SULF2: variants seen among roughly 807,000 people sequenced by gnomAD.
SULF2 encodes extracellular sulfatase Sulf-2.
In SULF2, 52 loss-of-function variants were observed where a neutral mutation model predicts 107.7. The observed-to-expected ratio is 0.48, with a 90% CI of 0.39 to 0.61. The LOEUF (loss-of-function observed/expected upper bound fraction) is 0.61. Among genes scored for constraint, SULF2 ranks in the 20% least tolerant of loss-of-function variants. The pLI is 0.00. For missense variants in SULF2, 993 were observed against 1,177.3 expected (o/e 0.84, Z 2.29); for synonymous variants, 460 against 464.3 (o/e 0.99, Z 0.12).
At chr20:47,731,157 G>A (rs1600596082) in intron 3 of SULF2, among the ~76,000 whole-genome samples, 1 of 146,216 alleles carries the variant, frequency 6.8e-6, no homozygotes, top group East Asian at 2.0e-4. Flanking sequence ...CACAAGATCC[G>A]ACTCTGCCTG....
intron 10 of SULF2, among the ~76,000 whole-genome samples, chr20:47,674,151 G>T (rs1336941494): frequency 2.0e-5 from 3 of 152,252 alleles, no homozygotes; most frequent in African/African-American, 7.2e-5. Flanking sequence ...GGCCTGCAAA[G>T]CCCAAACTAT....
intron 7 of SULF2, 139 bp downstream of exon 7, chr20:47,682,855 T>G: frequency 2.5e-6 from 2 of 808,388 alleles, no homozygotes; most frequent in Non-Finnish European, 1.9e-6. Flanking sequence ...ATGCATGACA[T>G]AATTGCTTTC....
intron 3 of SULF2, among the ~76,000 whole-genome samples, chr20:47,705,247 T>A (rs2088693182): frequency 6.6e-6 from 1 of 152,114 alleles, no homozygotes; most frequent in Admixed American, 6.5e-5. Flanking sequence ...CCCAGCAGCC[T>A]CAGGGGTAAG....
At chr20:47,766,885 T>C (rs191091675) in intron 1 of SULF2, among the ~76,000 whole-genome samples, 1 of 151,532 alleles carries the variant, frequency 6.6e-6, no homozygotes, top group East Asian at 1.9e-4. Context: ...TGACAGGCCA[T>C]ATAATTCACA....
At position 47,680,454 on chromosome 20, in the gene SULF2, G is replaced by A. The variant is rs143642140; in HGVS notation, c.1065-1650C>T. On this transcript the variant is annotated intron_variant, in intron 7 of 20. Transcript: ENST00000688720. This position sits in a 1 kb window ranked among gnomAD's most constrained non-coding sequence, Gnocchi z 4.2. ...ATGTAGGGTAAGGGACTTAAGGGGT[G>A]TGCCCAGCACAGGACCCAGGACCTG... Among the ~76,000 whole-genome samples the A allele has an allele frequency of 3.3e-4, 51 of 152,370 alleles. 1 individual carries two copies. Among genetic ancestry groups the A allele is most frequent in the African/African-American group, 1.2e-3 (49 of 41,588 alleles).
chr20:47,746,261 C>A (rs1206270172), intron 2 of SULF2, among the ~76,000 whole-genome samples: 1 of 152,236 alleles, frequency 6.6e-6, no homozygotes, highest in African/African-American at 2.4e-5. Flanking sequence ...CTGCAGAGAA[C>A]AGGCATTCAG....
At chr20:47,760,825 A>C (rs529274568) in intron 1 of SULF2, among the ~76,000 whole-genome samples, 3 of 152,172 alleles carry the variant, frequency 2.0e-5, no homozygotes, top group African/African-American at 7.2e-5. Flanking sequence ...GAGGGTGAAC[A>C]ACACCTTCCT....
rs1484453624 is a variant in SULF2, at chr20:47,658,338, T to C, written c.*24A>G. ...GCAGTCAGGTGATGCCTCTATGTTT[T>C]TGGAGGTCCACCTCTGTTGTTTCTT... On this transcript the variant is annotated 3_prime_UTR_variant, in exon 21 of 21. Coordinates refer to ENST00000688720, the MANE Select transcript of SULF2 (RefSeq NM_001387048.1). 7 of 1,613,874 alleles carry C rather than the reference T, an allele frequency of 4.3e-6. No individual in the cohort carries two copies. The highest frequency in any genetic ancestry group is 5.9e-6 in the Non-Finnish European group (7 of 1,179,842).
intron 1 of SULF2, among the ~76,000 whole-genome samples, chr20:47,762,619 C>A (rs2090440712): frequency 6.6e-6 from 1 of 152,224 alleles, no homozygotes; most frequent in African/African-American, 2.4e-5. Context: ...CTAAGAGTCT[C>A]CCAGCCTCAG....
intron 1 of SULF2, among the ~76,000 whole-genome samples, chr20:47,775,150 G>A (rs898418512): frequency 4.5e-4 from 68 of 152,186 alleles, no homozygotes; most frequent in African/African-American, 1.6e-3. Context: ...TCATGAAACC[G>A]GGCTGGCTTT....
chr20:47,763,698 T>C (rs938285893), intron 1 of SULF2, among the ~76,000 whole-genome samples: 1 of 152,216 alleles, frequency 6.6e-6, no homozygotes, highest in Non-Finnish European at 1.5e-5. Flanking sequence ...CTCTTCCTTC[T>C]TTCACTTTAC....
chr20:47,683,569 G>C (rs1262056984), intron 6 of SULF2, among the ~76,000 whole-genome samples: 1 of 152,370 alleles, frequency 6.6e-6, no homozygotes, highest in Middle Eastern at 3.4e-3. Flanking sequence ...GCCTATGGCA[G>C]GATCTTGCGA....
Position 47,665,119 on chromosome 20 carries a change from G to A in SULF2, c.1997+80C>T, listed in dbSNP as rs1314736180. The A allele has an allele frequency of 2.3e-5, 20 of 883,810 alleles. No individual in the cohort carries two copies. The Middle Eastern group carries it at 8.8e-4, about 39-fold the overall frequency. 54.7% of individuals were successfully genotyped at this position (883,810 alleles called of 1,614,324 possible). A position where few individuals can be genotyped will look rare whatever the true frequency, so the allele number is the denominator to read the frequency against. ...AAAGATAAAAATAAAAAATGAAAGG[G>A]GTCAATCACGAGAGGGGATGAACTG... On this transcript the variant is annotated intron_variant, in intron 14 of 20. Transcript: ENST00000688720.
At chr20:47,746,242 C>T (rs776792807) in intron 2 of SULF2, among the ~76,000 whole-genome samples, 6 of 152,320 alleles carry the variant, frequency 3.9e-5, no homozygotes, top group South Asian at 2.1e-4. Flanking sequence ...TCTACTGGGG[C>T]CCAGAGACCT....
chr20:47,660,712 C>G (rs562818779), intron 18 of SULF2, among the ~76,000 whole-genome samples: 1 of 152,174 alleles, frequency 6.6e-6, no homozygotes, highest in South Asian at 2.1e-4. Context: ...GGGCTCAAGT[C>G]TCCTCCCACC....
chr20:47,675,693 G>A (rs2087616827), intron 10 of SULF2, among the ~76,000 whole-genome samples: 1 of 151,940 alleles, frequency 6.6e-6, no homozygotes, highest in African/African-American at 2.4e-5. Flanking sequence ...CACACCTCCG[G>A]CACCCCTTGG....
At position 47,678,959 on chromosome 20, in the gene SULF2, C is replaced by G. The variant is rs897217758; in HGVS notation, c.1065-155G>C. On this transcript the variant is annotated intron_variant, in intron 7 of 20. Coordinates refer to ENST00000688720, the MANE Select transcript of SULF2 (RefSeq NM_001387048.1). The surrounding 1 kb of genome is among the most constrained non-coding windows in gnomAD (Gnocchi z 4.5). ...TCTGGCACCTCAACCTCAGCAGCTC[C>G]CCTCTGCGGCCCAGATTCAGCTGAA... is the stretch of plus-strand genomic sequence containing the variant. 6.6e-6 allele frequency among the ~76,000 whole-genome samples: 1 copy of G among 151,954 alleles called. No homozygotes were observed. Among genetic ancestry groups the G allele is most frequent in the Non-Finnish European group, 1.5e-5 (1 of 67,980 alleles).
intron 10 of SULF2, 88 bp from the exon 11 acceptor site, chr20:47,672,481 A>G: frequency 6.9e-7 from 1 of 1,453,454 alleles, no homozygotes; most frequent in Non-Finnish European, 9.1e-7. Flanking sequence ...CCCTGGAGAC[A>G]TCCCTCTCCC....
intron 3 of SULF2, among the ~76,000 whole-genome samples, chr20:47,721,964 C>T (rs2089308309): frequency 3.3e-5 from 5 of 151,968 alleles, no homozygotes; most frequent in Admixed American, 3.3e-4. Context: ...TTGCTGGAGC[C>T]CTTGGAAAGA....
Sources: allele counts gnomAD v4.1 joint callset (sites outside exome capture counted in the v4.1 genomes callset), GRCh38; gene constraint gnomAD v4.1.1; non-coding constraint Gnocchi (gnomAD v3.1); transcripts MANE v1.5; gene names NCBI Gene and HGNC (gene_info 2026-07-23, HGNC 2026-07-21).